PCGF6: variants seen among roughly 807,000 people sequenced by gnomAD.
PCGF6 encodes polycomb group ring finger 6.
Under a neutral mutation model 45.5 loss-of-function variants are expected in PCGF6, and 24 were observed. The observed-to-expected ratio is 0.53, with a 90% CI of 0.38 to 0.74. The LOEUF (loss-of-function observed/expected upper bound fraction) is 0.74, where lower values mean the gene tolerates loss of function less well. PCGF6 is among the 30% of genes least tolerant of loss of function. The probability of loss-of-function intolerance (pLI) is 0.00; values close to 1 mark genes in which losing one functional copy is unlikely to be tolerated. For synonymous variants in PCGF6, 152 were observed against 162.1 expected (o/e 0.94, Z 0.47); for missense variants, 356 against 443.2 (o/e 0.80, Z 1.77).
chr10:103,320,359 T>C (rs1458311749), intron 8 of PCGF6, among the ~76,000 whole-genome samples: 1 of 152,114 alleles, frequency 6.6e-6, no homozygotes, highest in African/African-American at 2.4e-5. Context: ...TAATTATTGA[T>C]CTCTAAATTT....
At chr10:103,317,627 G>A (rs547734275) in intron 8 of PCGF6, among the ~76,000 whole-genome samples, 11 of 151,760 alleles carry the variant, frequency 7.2e-5, no homozygotes, top group Middle Eastern at 6.8e-3. Context: ...GCAACAAAAC[G>A]AAACCTCATC....
chr10:103,312,501 T>A (rs1238964744), intron 9 of PCGF6: 1 of 153,344 alleles, frequency 6.5e-6, no homozygotes, highest in Non-Finnish European at 1.5e-5. Flanking sequence ...TGAAATCTCT[T>A]GATGTTGATT....
chr10:103,334,595 T>C (rs1267372049), intron 6 of PCGF6, among the ~76,000 whole-genome samples: 2 of 152,212 alleles, frequency 1.3e-5, no homozygotes, highest in African/African-American at 2.4e-5. Flanking sequence ...ACATTTACAA[T>C]ATAAAATTTC....
chr10:103,335,995 G>A (rs1354419119), intron 6 of PCGF6, among the ~76,000 whole-genome samples: 5 of 151,764 alleles, frequency 3.3e-5, no homozygotes, highest in East Asian at 1.9e-4. Flanking sequence ...GGCCAGGCGC[G>A]GTGGCTCACG....
chr10:103,328,035 T>C (rs562537566), intron 7 of PCGF6, among the ~76,000 whole-genome samples: 196 of 152,220 alleles, frequency 1.3e-3, no homozygotes, highest in African/African-American at 4.5e-3. Context: ...GTGGCTGGAA[T>C]GTGGGACCCA....
chr10:103,348,926 G>C lies in PCGF6; in HGVS notation c.434C>G (p.Thr145Ser), dbSNP rs1479242850. The change falls in exon 2 of 10, where the codon ACT (threonine) becomes AGT (serine). Residue 145 changes from threonine to serine, a missense_variant. By Grantham distance (58) the Thr-to-Ser change is moderately conservative. Around this residue, in one of 2 missense-constraint regions of PCGF6, gnomAD observed 307 missense variants for 350.1 expected, o/e 0.88. Transcript: ENST00000369847. ...SICKGYLIDA[T>S]TITECLHTFC... ...GGTATGAAGACATTCTGTGATGGTA[G>C]TTGCATCTATTAAGTAACCTTTGCA... 6.2e-7 allele frequency: 1 copy of C among 1,613,218 alleles called. No individual in the cohort carries two copies. The highest frequency in any genetic ancestry group is 8.5e-7 in the Non-Finnish European group (1 of 1,179,178).
intron 7 of PCGF6, among the ~76,000 whole-genome samples, chr10:103,331,256 GTTA>G (rs933403940): frequency 2.0e-5 from 3 of 152,030 alleles, no homozygotes; most frequent in African/African-American, 4.8e-5. Context: ...CCAGTTTGGG[GTTA>G]TTATGTTTTT....
intron 8 of PCGF6, among the ~76,000 whole-genome samples, chr10:103,324,331 A>G (rs1418659198): frequency 2.6e-5 from 3 of 116,980 alleles, no homozygotes; most frequent in Non-Finnish European, 6.4e-5. Flanking sequence ...GACTAATGAA[A>G]AAAAAAAAAA....
At chr10:103,337,884 G>A (rs1239444540) in intron 6 of PCGF6, among the ~76,000 whole-genome samples, 2 of 110,242 alleles carry the variant, frequency 1.8e-5, no homozygotes, top group African/African-American at 3.3e-5. Context: ...CTAAAACGGC[G>A]AAACCCCGTC....
At chr10:103,328,731 G>T (rs532597272) in intron 7 of PCGF6, among the ~76,000 whole-genome samples, 1 of 152,182 alleles carries the variant, frequency 6.6e-6, no homozygotes, top group South Asian at 2.1e-4. Flanking sequence ...TGCTCTTTAT[G>T]TACAGGATTT....
chr10:103,306,341 G>A (rs542011131), intron 9 of PCGF6, among the ~76,000 whole-genome samples: 7 of 152,024 alleles, frequency 4.6e-5, no homozygotes, highest in South Asian at 2.1e-4. Flanking sequence ...CAGGTGATCC[G>A]CCCGCCTTGG....
intron 6 of PCGF6, among the ~76,000 whole-genome samples, chr10:103,338,144 G>A (rs2093264799): frequency 6.6e-6 from 1 of 151,854 alleles, no homozygotes; most frequent in Non-Finnish European, 1.5e-5. Flanking sequence ...GGGAGGCTGA[G>A]ACAGGAGAAC....
chr10:103,326,179 C>T (rs947879849), intron 8 of PCGF6, among the ~76,000 whole-genome samples: 4 of 151,462 alleles, frequency 2.6e-5, no homozygotes, highest in Non-Finnish European at 5.9e-5. Flanking sequence ...GGGCGGATCA[C>T]GAGGTCAGGA....
At chr10:103,322,466 A>G (rs372190098) in intron 8 of PCGF6, among the ~76,000 whole-genome samples, 12 of 151,784 alleles carry the variant, frequency 7.9e-5, no homozygotes, top group African/African-American at 2.9e-4. Flanking sequence ...TTGGCCTCCC[A>G]AAGTGCTGGG....
chr10:103,351,017 G>C lies in PCGF6; in HGVS notation c.50C>G (p.Thr17Ser), dbSNP rs571651624. Residue 17 changes from threonine (T) to serine (S), a missense_variant, in exon 1 of 10, where the codon ACC (threonine) becomes AGC (serine). Coordinates refer to ENST00000369847, the MANE Select transcript of PCGF6 (RefSeq NM_001011663.2). ...VTAGSVGAAK[T>S]EGAAALPPPP... ...AGGCGGCAAGGCTGCAGCTCCCTCG[G>C]TTTTGGCAGCGCCTACGCTGCCCGC... 3.4e-4 allele frequency: 478 copies of C among 1,420,016 alleles called. No individual in the cohort carries two copies. Among genetic ancestry groups the C allele is most frequent in the Non-Finnish European group, 4.2e-4 (455 of 1,087,910 alleles). The allele number at this position is 1,420,016 out of a possible 1,614,324, so 88.0% of individuals were successfully genotyped here.
At position 103,347,455 on chromosome 10, in the gene PCGF6, T is replaced by C. The variant is rs2093303638; in HGVS notation, c.558-5A>G. The C allele has an allele frequency of 1.9e-6, 3 of 1,599,792 alleles. No individual in the cohort carries two copies. The highest frequency in any genetic ancestry group is 1.7e-6 in the Non-Finnish European group (2 of 1,169,244). ...TCTTGTAACTGTCGGTCCAACCTAA[T>C]AAAAGGAAAGGATGGAGAATACCTC... is the stretch of plus-strand genomic sequence containing the variant. On this transcript the variant is annotated splice_polypyrimidine_tract_variant and splice_region_variant and intron_variant, in intron 3 of 9. Transcript: ENST00000369847.
At chr10:103,319,729 C>T (rs2093189678) in intron 8 of PCGF6, among the ~76,000 whole-genome samples, 1 of 152,122 alleles carries the variant, frequency 6.6e-6, no homozygotes, top group African/African-American at 2.4e-5. Context: ...ATGGAAACAT[C>T]ATATATTAGT....
At chr10:103,321,595 G>A (rs759851688) in intron 8 of PCGF6, among the ~76,000 whole-genome samples, 2 of 151,788 alleles carry the variant, frequency 1.3e-5, no homozygotes, top group African/African-American at 2.4e-5. Flanking sequence ...GCCTGTAGTC[G>A]CAGCTACTCA....
At chr10:103,340,198 A>AAAT (rs1554865190) in intron 6 of PCGF6, among the ~76,000 whole-genome samples, 1 of 87,908 alleles carries the variant, frequency 1.1e-5, no homozygotes, top group East Asian at 2.9e-4. Context: ...AAAAAAAAAA[A>AAAT]ATATATATAT....
Sources: allele counts gnomAD v4.1 joint callset (sites outside exome capture counted in the v4.1 genomes callset), GRCh38; gene constraint gnomAD v4.1.1; regional missense constraint gnomAD v4.1.1; transcripts MANE v1.5; gene names NCBI Gene and HGNC (gene_info 2026-07-23, HGNC 2026-07-21).